Variants in OLA1 observed in about 807,000 individuals in gnomAD.
The protein encoded by OLA1 is obg-like ATPase 1.
Under a neutral mutation model 48.4 loss-of-function variants are expected in OLA1, and 14 were observed. That is an observed-to-expected ratio of 0.29 (90% CI 0.19 to 0.45). The LOEUF is 0.45. Among genes scored for constraint, OLA1 ranks in the 20% least tolerant of loss-of-function variants. The pLI is 1.00. For synonymous variants in OLA1, 127 were observed against 150.4 expected (o/e 0.84, Z 1.14); for missense variants, 325 against 467.1 (o/e 0.70, Z 2.80).
At chr2:174,202,635 A>C (rs1688016130) in intron 4 of OLA1, among the ~76,000 whole-genome samples, 1 of 152,160 alleles carries the variant, frequency 6.6e-6, no homozygotes. Flanking sequence ...CACAGATTAG[A>C]AGGTCCACTT....
chr2:174,185,947 T>A, intron 4 of OLA1, among the ~76,000 whole-genome samples: 1 of 146,382 alleles, frequency 6.8e-6, no homozygotes, highest in Non-Finnish European at 1.5e-5. Context: ...ATAAATAAAG[T>A]ATTTTTCACA....
chr2:174,098,169 T>C (rs1468789410), intron 7 of OLA1, among the ~76,000 whole-genome samples: 4 of 152,200 alleles, frequency 2.6e-5, no homozygotes, highest in Non-Finnish European at 1.5e-5. Flanking sequence ...ACAATTCCTA[T>C]TGACATATAT....
At chr2:174,212,443 G>A (rs1688264787) in intron 4 of OLA1, among the ~76,000 whole-genome samples, 1 of 152,194 alleles carries the variant, frequency 6.6e-6, no homozygotes, top group African/African-American at 2.4e-5. Context: ...TGAATGACTG[G>A]AACATTGACA....
chr2:174,171,728 C>T (rs1055591559), intron 4 of OLA1, among the ~76,000 whole-genome samples: 3 of 152,138 alleles, frequency 2.0e-5, no homozygotes, highest in African/African-American at 7.2e-5. Flanking sequence ...AAATTAAAAC[C>T]AAACAGGCGT....
chr2:174,175,917 TA>T (rs1222703487), intron 4 of OLA1, among the ~76,000 whole-genome samples: 4 of 151,878 alleles, frequency 2.6e-5, no homozygotes, highest in Non-Finnish European at 1.5e-5. Context: ...ATGCTAGATC[TA>T]AAAAAAGTCA....
At chr2:174,243,544 TC>T (rs1689055994) in intron 2 of OLA1, among the ~76,000 whole-genome samples, 1 of 152,146 alleles carries the variant, frequency 6.6e-6, no homozygotes, top group Non-Finnish European at 1.5e-5. Flanking sequence ...CACCATCGTG[TC>T]CCGTTAACAA....
intron 7 of OLA1, among the ~76,000 whole-genome samples, chr2:174,109,990 T>C (rs1336931883): frequency 2.6e-5 from 4 of 152,178 alleles, no homozygotes; most frequent in African/African-American, 9.6e-5. Flanking sequence ...CAGTGTCTAC[T>C]GTTTCCTTCT....
chr2:174,217,480 CT>C (rs1182777816), intron 4 of OLA1, among the ~76,000 whole-genome samples: 5 of 152,110 alleles, frequency 3.3e-5, no homozygotes, highest in African/African-American at 4.8e-5. Flanking sequence ...CAAAGCTCCC[CT>C]AAAAGGAAAA....
intron 5 of OLA1, among the ~76,000 whole-genome samples, chr2:174,134,370 CTT>C (rs1157541386): frequency 1.3e-5 from 2 of 152,156 alleles, no homozygotes; most frequent in Non-Finnish European, 2.9e-5. Context: ...TAGACGTACA[CTT>C]TGTGTAATTA....
intron 4 of OLA1, among the ~76,000 whole-genome samples, chr2:174,165,996 G>T (rs555886004): frequency 6.6e-6 from 1 of 151,978 alleles, no homozygotes; most frequent in Non-Finnish European, 1.5e-5. Flanking sequence ...ATGGTGGCAT[G>T]TGCCTGTAGT....
intron 5 of OLA1, among the ~76,000 whole-genome samples, chr2:174,125,454 GAA>G (rs1686026695): frequency 6.6e-6 from 1 of 151,762 alleles, no homozygotes; most frequent in African/African-American, 2.4e-5. Context: ...ACAAAAGAAA[GAA>G]AAAACAGTCG....
At chr2:174,185,864 T>C (rs186974983) in intron 4 of OLA1, among the ~76,000 whole-genome samples, 96 of 152,206 alleles carry the variant, frequency 6.3e-4, no homozygotes, top group African/African-American at 2.1e-3. Context: ...GAGGTAGAGG[T>C]TGCAGTGAAC....
chr2:174,116,672 T>C (rs16862395), intron 7 of OLA1, among the ~76,000 whole-genome samples: 1,590 of 152,306 alleles, frequency 0.01, 29 homozygotes, highest in African/African-American at 0.036. Context: ...TAGGAAAAGT[T>C]ACTATGGCAA....
intron 4 of OLA1, among the ~76,000 whole-genome samples, chr2:174,175,372 G>A (rs984847476): frequency 6.7e-6 from 1 of 148,882 alleles, no homozygotes; most frequent in Admixed American, 6.7e-5. Flanking sequence ...CTTGTATCCA[G>A]TTCTTTGATA....
intron 7 of OLA1, among the ~76,000 whole-genome samples, chr2:174,101,882 G>A (rs926656661): frequency 6.6e-6 from 1 of 152,134 alleles, no homozygotes; most frequent in Non-Finnish European, 1.5e-5. Flanking sequence ...ATGATTTGAA[G>A]AGCCCAAGCC....
chr2:174,146,571 T>A (rs1686605787), intron 4 of OLA1, among the ~76,000 whole-genome samples: 1 of 152,148 alleles, frequency 6.6e-6, no homozygotes, highest in Admixed American at 6.5e-5. Context: ...CTGAGTGACA[T>A]CACCTAGAGA....
rs187274655 is a variant in OLA1 at position 174,139,308 on chromosome 2, C to T, written c.549+2517G>A. Reference sequence around the variant, plus strand: ...TTCTGCTGTCACAAGGCAAGGGACACCTGGAGCTACCAGAAGCTAGAACTT... The same window carrying T: ...TTCTGCTGTCACAAGGCAAGGGACATCTGGAGCTACCAGAAGCTAGAACTT... On this transcript the variant is annotated intron_variant, in intron 5 of 10. Transcript: ENST00000284719. 1.2e-3 allele frequency among the ~76,000 whole-genome samples: 186 copies of T among 152,282 alleles called. 4 individuals are homozygous for T. The highest frequency in any genetic ancestry group is 6.7e-3 in the Admixed American group (102 of 15,294).
chr2:174,086,289 T>G (rs1455999052), intron 7 of OLA1, among the ~76,000 whole-genome samples: 1 of 152,126 alleles, frequency 6.6e-6, no homozygotes, highest in African/African-American at 2.4e-5. Flanking sequence ...AATGACAGCT[T>G]CTTCTGGGCT....
chr2:174,226,999 A>C (rs1268441193), intron 3 of OLA1, among the ~76,000 whole-genome samples: 2 of 152,004 alleles, frequency 1.3e-5, no homozygotes, highest in Non-Finnish European at 2.9e-5. Flanking sequence ...CTGAGGTGAG[A>C]GAATCATTTG....
Sources: gnomAD v4.1 joint callset for allele counts (sites outside exome capture counted in the v4.1 genomes callset) on GRCh38, gnomAD v4.1.1 for gene constraint, MANE v1.5 for transcripts, NCBI Gene and HGNC (gene_info 2026-07-23, HGNC 2026-07-21) for gene names.